Variants in HEPH observed in about 807,000 individuals in gnomAD.
HEPH encodes hephaestin.
HEPH carries 69 observed loss-of-function variants against 80.8 expected under a neutral mutation model. The observed-to-expected ratio is 0.85, with a 90% CI of 0.70 to 1.04. HEPH has a LOEUF of 1.04. Among genes scored for constraint, HEPH ranks in the 50% least tolerant of loss-of-function variants. The pLI is 0.00. For missense variants in HEPH, 1,115 were observed against 891.3 expected (o/e 1.25, Z -3.20); for synonymous variants, 431 against 322.8 (o/e 1.34, Z -3.60).
intron 9 of HEPH, among the ~76,000 whole-genome samples, chrX:66,195,473 AAG>A (rs1448672737): frequency 1.8e-5 from 2 of 111,650 alleles, no homozygotes; most frequent in Non-Finnish European, 3.8e-5. Context: ...GAACTCTGAA[AAG>A]CAGACAATTA....
chrX:66,258,032 T>G (rs1008816715), intron 17 of HEPH, among the ~76,000 whole-genome samples: 1 of 112,087 alleles, frequency 8.9e-6, no homozygotes, highest in Admixed American at 9.5e-5. Flanking sequence ...TGTTATTAAT[T>G]CCATGAATGT....
At chrX:66,177,653 AT>A (rs935404655) in intron 4 of HEPH, among the ~76,000 whole-genome samples, 1 of 109,800 alleles carries the variant, frequency 9.1e-6, no homozygotes, top group South Asian at 3.8e-4. Flanking sequence ...AATTTTATTT[AT>A]TTTTTTCAAA....
intron 15 of HEPH, among the ~76,000 whole-genome samples, chrX:66,220,440 G>A (rs1048149035): frequency 5.4e-5 from 6 of 111,120 alleles, no homozygotes; most frequent in African/African-American, 2.0e-4. Flanking sequence ...AAGGATCAAG[G>A]GGGTTGGTTA....
chrX:66,204,859 A>T (rs2088675787), intron 13 of HEPH, among the ~76,000 whole-genome samples: 1 of 112,330 alleles, frequency 8.9e-6, no homozygotes, highest in Admixed American at 9.4e-5. Flanking sequence ...TCAGTTTTTT[A>T]AAAATATAAT....
At chrX:66,224,165 G>A (rs1265430550) in intron 15 of HEPH, among the ~76,000 whole-genome samples, 3 of 109,287 alleles carry the variant, frequency 2.7e-5, no homozygotes, top group African/African-American at 6.7e-5. Flanking sequence ...ACTGTCTAAG[G>A]CCACAAGATT....
Position 66,199,354 on chromosome X carries a change from C to G in HEPH, c.1864+326C>G, listed in dbSNP as rs186212141. Among the ~76,000 whole-genome samples the G allele has an allele frequency of 2.5e-3, 250 of 100,731 alleles. 1 individual carries two copies. Among genetic ancestry groups the G allele is most frequent in the African/African-American group, 9.3e-3 (230 of 24,650 alleles). The allele number at this position is 100,731 out of a possible 115,157, so 87.5% of individuals were successfully genotyped here. On this transcript the variant is annotated intron_variant, in intron 11 of 20. Transcript: ENST00000343002. ...TCCCCTCTTCCTTATATTTTAGTAC[C>G]TTGGGTCCCCCCCCCCCATACTCCA...
chrX:66,205,579 T>C (rs993131054), intron 13 of HEPH, among the ~76,000 whole-genome samples: 10 of 108,908 alleles, frequency 9.2e-5, no homozygotes, highest in African/African-American at 3.4e-4. Flanking sequence ...GTCTTTTTGA[T>C]AGAATGATCT....
At chrX:66,242,929 T>C (rs1022944660) in intron 15 of HEPH, among the ~76,000 whole-genome samples, 13 of 111,930 alleles carry the variant, frequency 1.2e-4, no homozygotes, top group African/African-American at 4.2e-4. Flanking sequence ...GTAAATTAGT[T>C]TAGTCACTGT....
At chrX:66,219,859 G>C (rs1168578904) in intron 15 of HEPH, among the ~76,000 whole-genome samples, 1 of 111,158 alleles carries the variant, frequency 9.0e-6, no homozygotes, top group Non-Finnish European at 1.9e-5. Context: ...TCCAGTGGGG[G>C]CTGTCCAGTC....
At chrX:66,169,381 G>T (rs2086493883) in intron 1 of HEPH, among the ~76,000 whole-genome samples, 2 of 111,841 alleles carry the variant, frequency 1.8e-5, no homozygotes, top group African/African-American at 3.2e-5. Context: ...ATGTACCTGT[G>T]TGTGCAAGTT....
chrX:66,178,675 T>C (rs933624958), intron 4 of HEPH, among the ~76,000 whole-genome samples: 1 of 112,369 alleles, frequency 8.9e-6, no homozygotes, highest in Non-Finnish European at 1.9e-5. Context: ...TGGTTTTGAT[T>C]TGCATTTCTC....
intron 15 of HEPH, among the ~76,000 whole-genome samples, chrX:66,228,138 C>G (rs1306289897): frequency 1.8e-5 from 2 of 111,474 alleles, no homozygotes; most frequent in African/African-American, 6.5e-5. Flanking sequence ...AAAGTCACAT[C>G]CCACATGGCA....
chrX:66,200,240 T>TA (rs2088354753), intron 11 of HEPH, among the ~76,000 whole-genome samples: 1 of 57,782 alleles, frequency 1.7e-5, no homozygotes, highest in African/African-American at 2.6e-4. Context: ...TAGGAGAGAT[T>TA]GGTGTGTGTG....
intron 12 of HEPH, 75 bp from the exon 13 acceptor site, chrX:66,203,289 G>A (rs2088568675): frequency 5.5e-6 from 5 of 915,306 alleles, no homozygotes; most frequent in East Asian, 6.3e-5. Flanking sequence ...AGTATGCCTA[G>A]GGAAAGGCAG....
intron 15 of HEPH, among the ~76,000 whole-genome samples, chrX:66,221,816 T>A (rs1342160211): frequency 8.9e-6 from 1 of 112,951 alleles, no homozygotes; most frequent in African/African-American, 3.2e-5. Flanking sequence ...TACCAAAATA[T>A]TGACTCAAAT....
intron 15 of HEPH, among the ~76,000 whole-genome samples, chrX:66,213,605 T>A (rs1297944526): frequency 1.8e-5 from 2 of 111,996 alleles, no homozygotes; most frequent in African/African-American, 6.5e-5. Flanking sequence ...GATATATTTT[T>A]GTATTGCAAT....
At position 66,260,097 on chromosome X, in the gene HEPH, C is replaced by A; in HGVS notation, c.3037-3C>A. 5.0e-6 allele frequency: 6 copies of A among 1,204,499 alleles called. No homozygotes were observed. The highest frequency in any genetic ancestry group is 6.7e-6 in the Non-Finnish European group (6 of 890,103). On this transcript the variant is annotated splice_polypyrimidine_tract_variant and splice_region_variant and intron_variant, in intron 18 of 20. Transcript: ENST00000343002. Reference sequence around the variant, plus strand: ...TCTCCCTCATTCCCAATCTCTCTTGCAGAATGGCGAGAACTACCGGGCAGA... The same window carrying A: ...TCTCCCTCATTCCCAATCTCTCTTGAAGAATGGCGAGAACTACCGGGCAGA...
At chrX:66,204,506 G>A (rs1440622365) in intron 13 of HEPH, among the ~76,000 whole-genome samples, 2 of 112,171 alleles carry the variant, frequency 1.8e-5, no homozygotes, top group East Asian at 2.8e-4. Flanking sequence ...TTGATGTTCA[G>A]ATAGACATAC....
At chrX:66,201,774 G>T (rs1428167774) in intron 12 of HEPH, among the ~76,000 whole-genome samples, 1 of 112,293 alleles carries the variant, frequency 8.9e-6, no homozygotes, top group Non-Finnish European at 1.9e-5. Flanking sequence ...CTCAGAAATA[G>T]AAAGGACAAT....
Sources: allele counts gnomAD v4.1 joint callset (sites outside exome capture counted in the v4.1 genomes callset), GRCh38; gene constraint gnomAD v4.1.1; transcripts MANE v1.5; gene names NCBI Gene and HGNC (gene_info 2026-07-23, HGNC 2026-07-21).